Variants in NEK5 observed in about 807,000 individuals in gnomAD.
The protein encoded by NEK5 is serine/threonine-protein kinase Nek5.
Under a neutral mutation model 109.2 loss-of-function variants are expected in NEK5, and 88 were observed. That is an observed-to-expected ratio of 0.81 (90% confidence interval 0.68 to 0.96). The LOEUF is 0.96. Among genes scored for constraint, NEK5 ranks in the 40% least tolerant of loss-of-function variants. The pLI, the probability that NEK5 is intolerant of heterozygous loss-of-function variation, is 0.00. For synonymous variants in NEK5, 283 were observed against 299.9 expected, an observed-to-expected ratio of 0.94 and a Z score of 0.58; for missense variants, 834 against 920.7, an observed-to-expected ratio of 0.91 and a Z score of 1.22.
intron 21 of NEK5, among the ~76,000 whole-genome samples, chr13:52,062,633 CTGATCTTGAACTCCTGACCTCA>C (rs1381793491): frequency 6.6e-6 from 1 of 152,026 alleles, no homozygotes; most frequent in Admixed American, 6.5e-5. Context: ...GTTGGCCAGG[CTGATCTTGAACTCCTGACCTCA>C]TGATCTGCCC....
At position 52,107,604 on chromosome 13, in the gene NEK5, A is replaced by T. The variant is rs540462064; in HGVS notation, c.554+714T>A. Among the ~76,000 whole-genome samples the T allele has an allele frequency of 3.9e-5, 6 of 151,944 alleles. No individual in the cohort carries two copies. The South Asian group carries it at 1.0e-3, about 26-fold the overall frequency. On this transcript the variant is annotated intron_variant, in intron 8 of 23. Transcript: ENST00000684899. ...CAAGACTCTATCTCAAAAAATAAAAAAAAAAAAGCCAGTGCCCTTATACAA... is the reference window on the plus strand; with the variant it reads ...CAAGACTCTATCTCAAAAAATAAAATAAAAAAAGCCAGTGCCCTTATACAA...
chr13:52,115,312 C>T (rs1430741662), intron 4 of NEK5, among the ~76,000 whole-genome samples: 1 of 151,802 alleles, frequency 6.6e-6, no homozygotes, highest in African/African-American at 2.4e-5. Context: ...ACAGAGATAG[C>T]TTAAACTACT....
chr13:52,081,752 T>A lies in NEK5; in HGVS notation c.1572+1508A>T, dbSNP rs545604955. Among the ~76,000 whole-genome samples the A allele has an allele frequency of 3.9e-5, 6 of 152,346 alleles. No homozygotes were observed. In the South Asian group the frequency reaches 8.3e-4, roughly 21 times the overall value. ...TTCACCCAATTCCTGATACAAACTT[T>A]TTGAGGCTTCCAGTGGTTTATTTTT... On this transcript the variant is annotated intron_variant, in intron 17 of 23. Coordinates refer to ENST00000684899, the MANE Select transcript of NEK5 (RefSeq NM_001365552.1).
chr13:52,056,748 A>G (rs1954559585), intron 22 of NEK5, among the ~76,000 whole-genome samples: 1 of 151,976 alleles, frequency 6.6e-6, no homozygotes, highest in African/African-American at 2.4e-5. Flanking sequence ...TTTGAACCCA[A>G]CGAGAACAAA....
intron 1 of NEK5, among the ~76,000 whole-genome samples, chr13:52,128,204 T>G (rs1337939925): frequency 6.6e-6 from 1 of 152,192 alleles, no homozygotes; most frequent in Non-Finnish European, 1.5e-5. Flanking sequence ...TCTTTTTTTT[T>G]TCGAGGAATG....
At chr13:52,066,465 GT>G (rs1008976661) in intron 20 of NEK5, among the ~76,000 whole-genome samples, 33 of 150,900 alleles carry the variant, frequency 2.2e-4, no homozygotes, top group African/African-American at 7.1e-4. Flanking sequence ...TTATTCTGTG[GT>G]TTTTTTTTCT....
intron 13 of NEK5, among the ~76,000 whole-genome samples, chr13:52,092,739 A>C (rs1955313878): frequency 6.6e-6 from 1 of 151,632 alleles, no homozygotes; most frequent in African/African-American, 2.4e-5. Flanking sequence ...TATAAAAATC[A>C]GTTGGGCATG....
At chr13:52,096,066 G>C (rs1001036245) in intron 12 of NEK5, among the ~76,000 whole-genome samples, 1 of 152,114 alleles carries the variant, frequency 6.6e-6, no homozygotes, top group Admixed American at 6.6e-5. Flanking sequence ...TGTAAGATGA[G>C]CCTGCCTCCC....
chr13:52,088,362 C>G (rs138984923), intron 14 of NEK5, among the ~76,000 whole-genome samples: 1,874 of 152,062 alleles, frequency 0.012, 38 homozygotes, highest in African/African-American at 0.043. Context: ...TCAAGTAATT[C>G]TCCTGCCTCA....
intron 14 of NEK5, among the ~76,000 whole-genome samples, chr13:52,087,959 A>C: frequency 1.6e-5 from 2 of 127,396 alleles, no homozygotes; most frequent in African/African-American, 3.0e-5. Flanking sequence ...ACAGAGTCTC[A>C]CTCTGTCACC....
intron 22 of NEK5, among the ~76,000 whole-genome samples, chr13:52,060,277 G>C (rs1424014169): frequency 6.6e-5 from 10 of 152,100 alleles, no homozygotes; most frequent in Admixed American, 5.9e-4. Flanking sequence ...ATTATAAAAT[G>C]TGTATTCATT....
chr13:52,110,459 T>A (rs758005242), intron 6 of NEK5, 35 bp downstream of exon 6: 2 of 1,596,344 alleles, frequency 1.3e-6, no homozygotes, highest in South Asian at 2.2e-5. Context: ...CAAGAAAAGA[T>A]CAGTTCTGTC....
intron 3 of NEK5, among the ~76,000 whole-genome samples, chr13:52,125,663 G>C (rs1469309175): frequency 6.6e-6 from 1 of 152,172 alleles, no homozygotes; most frequent in African/African-American, 2.4e-5. Flanking sequence ...AGATTTAAGA[G>C]AGATCTACTT....
chr13:52,101,157 G>A (rs1955520409), intron 11 of NEK5, among the ~76,000 whole-genome samples: 1 of 152,220 alleles, frequency 6.6e-6, no homozygotes, highest in Non-Finnish European at 1.5e-5. Context: ...CCAGCACTTT[G>A]GGAGGCAGAG....
rs1166051363 is a variant in NEK5 at position 52,089,244 on chromosome 13, T to C, written c.1275+3A>G. ...TGCTTCCCATATTTGGTATTTTACTTACCAATTGCTTCTCCACTTTCAACT... is the reference window on the plus strand; with the variant it reads ...TGCTTCCCATATTTGGTATTTTACTCACCAATTGCTTCTCCACTTTCAACT... On this transcript the variant is annotated splice_donor_region_variant and intron_variant, in intron 14 of 23. Transcript: ENST00000684899. The C allele has an allele frequency of 1.3e-6, 2 of 1,563,308 alleles. No individual in the cohort carries two copies. The highest frequency in any genetic ancestry group is 1.8e-6 in the Non-Finnish European group (2 of 1,134,844).
Position 52,101,962 on chromosome 13 carries a change from G to C in NEK5, c.863C>G (p.Ala288Gly). 1 of 1,614,128 alleles carries C rather than the reference G, an allele frequency of 6.2e-7. No individual in the cohort carries two copies. Among genetic ancestry groups the C allele is most frequent in the Non-Finnish European group, 8.5e-7 (1 of 1,180,012 alleles). ...HMLICRAGAP[A>G]SRHAGKVVQK... is the part of the protein sequence containing the mutation. ...GACCACCTTCCCAGCATGTCGAGAAGCTGGCGCTCCTGCTCTGCATATAAG... is the reference window on the plus strand; with the variant it reads ...GACCACCTTCCCAGCATGTCGAGAACCTGGCGCTCCTGCTCTGCATATAAG... Residue 288 changes from alanine to glycine, a missense_variant, in exon 11 of 24, where the codon GCT (alanine) becomes GGT (glycine). Coordinates refer to ENST00000684899, the MANE Select transcript of NEK5 (RefSeq NM_001365552.1).
At chr13:52,051,821 T>C (rs1045852184) in intron 22 of NEK5, among the ~76,000 whole-genome samples, 7 of 152,228 alleles carry the variant, frequency 4.6e-5, no homozygotes, top group African/African-American at 1.4e-4. Flanking sequence ...GGAAGTTCCT[T>C]GTAGGCCTCA....
At chr13:52,080,340 A>C (rs1417990110) in intron 17 of NEK5, among the ~76,000 whole-genome samples, 5 of 139,906 alleles carry the variant, frequency 3.6e-5, no homozygotes, top group Admixed American at 2.8e-4. Context: ...GGCCGCCCCT[A>C]CTGGGAAGTG....
intron 23 of NEK5, among the ~76,000 whole-genome samples, chr13:52,044,045 A>C (rs1353339711): frequency 6.6e-6 from 1 of 152,210 alleles, no homozygotes; most frequent in Non-Finnish European, 1.5e-5. Flanking sequence ...GAGTGGGCGC[A>C]ATCTATTCGG....
Sources: gnomAD v4.1 joint callset for allele counts (sites outside exome capture counted in the v4.1 genomes callset) on GRCh38, gnomAD v4.1.1 for gene constraint, MANE v1.5 for transcripts, NCBI Gene and HGNC (gene_info 2026-07-23, HGNC 2026-07-21) for gene names.